The following RASGEF1A variants were observed in gnomAD, a reference collection of about 807,000 sequenced individuals.
RASGEF1A encodes the protein ras-GEF domain-containing family member 1A.
A neutral mutation model predicts 56.4 loss-of-function variants in RASGEF1A; 18 were observed. The ratio of observed to expected loss-of-function variants is 0.32; its 90% CI spans 0.22 to 0.47. The LOEUF (loss-of-function observed/expected upper bound fraction) is 0.47. RASGEF1A is among the 20% of genes least tolerant of loss of function. The pLI is 1.00. For synonymous variants in RASGEF1A, 245 were observed against 242.6 expected, an observed-to-expected ratio of 1.01 and a Z score of -0.09; for missense variants, 422 against 627.1, an observed-to-expected ratio of 0.67 and a Z score of 3.49.
intron 1 of RASGEF1A, among the ~76,000 whole-genome samples, chr10:43,225,156 G>A (rs1019636861): frequency 7.1e-6 from 1 of 141,188 alleles, no homozygotes; most frequent in African/African-American, 2.6e-5. Context: ...GTCTGTGTGT[G>A]TGTCTTTGTG....
intron 1 of RASGEF1A, among the ~76,000 whole-genome samples, chr10:43,246,878 A>T (rs1173243806): frequency 3.3e-5 from 5 of 152,266 alleles, no homozygotes; most frequent in African/African-American, 4.8e-5. Flanking sequence ...CGTAAATATG[A>T]CACCAAAAGC....
chr10:43,201,783 T>G, intron 4 of RASGEF1A, 25 bp downstream of exon 4: 1 of 1,546,176 alleles, frequency 6.5e-7, no homozygotes, highest in Non-Finnish European at 8.8e-7. Context: ...CCAAAGACCC[T>G]GGCCAGAGCC....
intron 1 of RASGEF1A, among the ~76,000 whole-genome samples, chr10:43,211,005 G>A (rs1483548932): frequency 2.6e-5 from 4 of 151,716 alleles, no homozygotes; most frequent in Admixed American, 6.6e-5. Context: ...TGGGGGACAG[G>A]CTTGCACGCA....
chr10:43,202,663 A>T (rs1230734542), intron 3 of RASGEF1A: 21 of 180,460 alleles, frequency 1.2e-4, no homozygotes, highest in Admixed American at 1.0e-3. Context: ...CGCACCACCC[A>T]GCCCGCAACT....
chr10:43,207,251 G>A, intron 1 of RASGEF1A: 1 of 985,538 alleles, frequency 1.0e-6, no homozygotes, highest in South Asian at 4.7e-5. Context: ...AGACCCTCCT[G>A]CCATTTTGGC....
Position 43,196,457 on chromosome 10 carries a change from G to A in RASGEF1A, c.1421+19C>T. ...CTCCCTCTTCCTTACAGACTCCCAT[G>A]TTCCTGACGCCCTCCTACCTGAGGG... On this transcript the variant is annotated intron_variant, in intron 12 of 12. Coordinates refer to ENST00000395810, the MANE Select transcript of RASGEF1A (RefSeq NM_145313.4). This position sits in a 1 kb window ranked among gnomAD's most constrained non-coding sequence, Gnocchi z 4.6. The A allele has an allele frequency of 6.2e-7, 1 of 1,612,290 alleles. No individual in the cohort carries two copies. Among genetic ancestry groups the A allele is most frequent in the Non-Finnish European group, 8.5e-7 (1 of 1,178,416 alleles).
chr10:43,229,660 C>T, intron 1 of RASGEF1A: 3 of 1,491,298 alleles, frequency 2.0e-6, no homozygotes, highest in Non-Finnish European at 2.7e-6. Context: ...AACATTCTGG[C>T]CGCCGGCTCC....
intron 1 of RASGEF1A, among the ~76,000 whole-genome samples, chr10:43,214,985 G>A (rs534040865): frequency 2.0e-5 from 3 of 152,320 alleles, no homozygotes; most frequent in Non-Finnish European, 4.4e-5. Flanking sequence ...GCTGTTCCTC[G>A]GACCTCAGCA....
intron 1 of RASGEF1A, among the ~76,000 whole-genome samples, chr10:43,256,968 C>T (rs1312892728): frequency 6.6e-6 from 1 of 152,194 alleles, no homozygotes. Context: ...CTCCCTCCTT[C>T]CAGAATCATT....
chr10:43,212,026 TG>T (rs1377094882), intron 1 of RASGEF1A, among the ~76,000 whole-genome samples: 1 of 152,208 alleles, frequency 6.6e-6, no homozygotes, highest in African/African-American at 2.4e-5. Context: ...GGCCCAGTGC[TG>T]GGTGCCACTG....
intron 1 of RASGEF1A, among the ~76,000 whole-genome samples, chr10:43,210,650 C>A (rs2133193899): frequency 6.6e-6 from 1 of 152,356 alleles, no homozygotes; most frequent in East Asian, 1.9e-4. Context: ...GCACGGGGAG[C>A]CTCTCTCCTG....
intron 1 of RASGEF1A, among the ~76,000 whole-genome samples, chr10:43,240,491 T>C (rs1453593589): frequency 6.6e-6 from 1 of 152,070 alleles, no homozygotes; most frequent in African/African-American, 2.4e-5. Flanking sequence ...ATGGAAGCAA[T>C]ATATCAAACA....
At chr10:43,200,357 A>C (rs1839874388) in intron 5 of RASGEF1A, 101 bp from the exon 6 acceptor site, 2 of 1,034,948 alleles carry the variant, frequency 1.9e-6, no homozygotes, top group South Asian at 2.9e-5. Flanking sequence ...TGCCCAGGGC[A>C]CAGGACCTTC....
At chr10:43,217,074 A>T (rs1231567017) in intron 1 of RASGEF1A, among the ~76,000 whole-genome samples, 1 of 152,088 alleles carries the variant, frequency 6.6e-6, no homozygotes, top group East Asian at 1.9e-4. Context: ...GGGAGAAATG[A>T]GGTAGGGGCC....
chr10:43,258,029 G>A (rs1013874969), intron 1 of RASGEF1A, among the ~76,000 whole-genome samples: 2 of 152,180 alleles, frequency 1.3e-5, no homozygotes, highest in African/African-American at 4.8e-5. Flanking sequence ...AACTAGGCTG[G>A]GCAGGTTTCC....
intron 1 of RASGEF1A, among the ~76,000 whole-genome samples, chr10:43,245,576 C>CA (rs916314033): frequency 3.9e-4 from 60 of 152,292 alleles, no homozygotes; most frequent in African/African-American, 1.4e-3. Context: ...TGTAAGTATT[C>CA]ATCATGACTA....
Position 43,196,339 on chromosome 10 carries a change from C to T in RASGEF1A, c.1422-71G>A. The T allele has an allele frequency of 1.8e-5, 28 of 1,589,428 alleles. No individual in the cohort carries two copies. Among genetic ancestry groups the T allele is most frequent in the Non-Finnish European group, 2.4e-5 (28 of 1,159,090 alleles). On this transcript the variant is annotated intron_variant, in intron 12 of 12. Coordinates refer to ENST00000395810, the MANE Select transcript of RASGEF1A (RefSeq NM_145313.4). This position sits in a 1 kb window ranked among gnomAD's most constrained non-coding sequence, Gnocchi z 4.6. ...CTTGGGTCCAAGCCATCCTCAGCCTCCCACCAAACATGCACCAGGGACCCT... is the reference window on the plus strand; with the variant it reads ...CTTGGGTCCAAGCCATCCTCAGCCTTCCACCAAACATGCACCAGGGACCCT...
chr10:43,228,238 G>GC (rs1564536803), intron 1 of RASGEF1A, among the ~76,000 whole-genome samples: 2 of 152,030 alleles, frequency 1.3e-5, no homozygotes, highest in African/African-American at 2.4e-5. Context: ...TTCCTGGTAT[G>GC]CCCCCCGCAT....
chr10:43,260,218 C>A (rs893291829), intron 1 of RASGEF1A, among the ~76,000 whole-genome samples: 5 of 152,182 alleles, frequency 3.3e-5, no homozygotes, highest in Non-Finnish European at 5.9e-5. Context: ...ACACCCAGAG[C>A]CCCCAGGCAC....
Sources: gnomAD v4.1 joint callset for allele counts (sites outside exome capture counted in the v4.1 genomes callset) on GRCh38, gnomAD v4.1.1 for gene constraint, Gnocchi (gnomAD v3.1) non-coding constraint, MANE v1.5 for transcripts, NCBI Gene and HGNC (gene_info 2026-07-23, HGNC 2026-07-21) for gene names.